Variants in PLCH1 observed in about 807,000 individuals in gnomAD.
The protein encoded by PLCH1 is phospholipase C eta 1.
Under a neutral mutation model 126.7 loss-of-function variants are expected in PLCH1, and 60 were observed. That is an observed-to-expected ratio of 0.47 (90% CI 0.38 to 0.59). The LOEUF is 0.59. Ranked by LOEUF, PLCH1 falls within the 20% of genes least tolerant of loss-of-function variation. The pLI, the probability that PLCH1 is intolerant of heterozygous loss-of-function variation, is 0.00. For synonymous variants in PLCH1, 719 were observed against 734.9 expected, an observed-to-expected ratio of 0.98 and a Z score of 0.35; for missense variants, 1,723 against 2,040.0, an observed-to-expected ratio of 0.84 and a Z score of 2.99.
At chr3:155,559,890 G>A (rs1232465484) in intron 8 of PLCH1, among the ~76,000 whole-genome samples, 2 of 152,102 alleles carry the variant, frequency 1.3e-5, no homozygotes, top group Admixed American at 6.6e-5. Flanking sequence ...AAGACTACTG[G>A]AAAAGCAACA....
Position 155,494,372 on chromosome 3 carries a change from G to A in PLCH1, c.2040C>T (p.Asn680=), listed in dbSNP as rs1246253042. The A allele has an allele frequency of 6.2e-7, 1 of 1,614,024 alleles. No individual in the cohort carries two copies. Among genetic ancestry groups the A allele is most frequent in the Non-Finnish European group, 8.5e-7 (1 of 1,180,006 alleles). The change falls in exon 16 of 23, where the codon AAC becomes AAT. Residue 680 remains asparagine, a synonymous_variant. Transcript: ENST00000460012. ...AGCCTGCGTTCCAGTAGGGGAGAGG[G>A]TTGAAGTTACTGGAATCAATGCGGT... is the stretch of plus-strand genomic sequence containing the variant. ...SAYRIDSSNF[N]PLPYWNAGCQ...
intron 4 of PLCH1, 134 bp downstream of exon 4, chr3:155,593,807 G>A (rs577136767): frequency 6.7e-5 from 52 of 774,648 alleles, no homozygotes; most frequent in African/African-American, 1.2e-4. Flanking sequence ...GGGAGAAGAC[G>A]GTGTGAGGGG....
intron 2 of PLCH1, among the ~76,000 whole-genome samples, chr3:155,666,217 G>T (rs913699112): frequency 2.0e-5 from 3 of 152,230 alleles, no homozygotes; most frequent in Non-Finnish European, 4.4e-5. Context: ...GCCCTCCAGA[G>T]AGATGGTACT....
chr3:155,716,333 T>G lies in PLCH1; in HGVS notation c.-40-12069A>C, dbSNP rs180847766. 2.1e-5 allele frequency among the ~76,000 whole-genome samples: 3 copies of G among 144,538 alleles called. No individual in the cohort carries two copies. The East Asian group carries it at 6.0e-4, about 29-fold the overall frequency. The allele number at this position is 144,538 out of a possible 152,430, so 94.8% of individuals were successfully genotyped here. A position where few individuals can be genotyped will look rare whatever the true frequency, so the allele number is the denominator to read the frequency against. The stretch of plus-strand genomic sequence containing the variant: ...ATTCTGAAGTTAGGAGGTGTGATCT[T>G]CATGTCTATCAGCTCAAACTTATTA... On this transcript the variant is annotated intron_variant, in intron 1 of 22. Coordinates refer to ENST00000460012, the MANE Select transcript of PLCH1 (RefSeq NM_014996.4).
chr3:155,522,710 C>CTTT (rs76460443), intron 11 of PLCH1, among the ~76,000 whole-genome samples: 8 of 140,886 alleles, frequency 5.7e-5, no homozygotes, highest in Non-Finnish European at 3.1e-5. Context: ...ATTTCTCTCT[C>CTTT]TTTTTTTTTT....
At chr3:155,659,302 CTTTTTTTTTTTTTTTTTTTT>C (rs753258422) in intron 2 of PLCH1, among the ~76,000 whole-genome samples, 49 of 30,850 alleles carry the variant, frequency 1.6e-3, no homozygotes, top group East Asian at 0.015. Context: ...CTATTCACTT[CTTTTTTTTTTTTTTTTTTTT>C]TTTTTTTTTT....
In PLCH1 at chr3:155,492,851, T is replaced by A; in HGVS notation, c.2185A>T (p.Thr729Ser). The A allele has an allele frequency of 6.3e-7, 1 of 1,592,256 alleles. No individual in the cohort carries two copies. ...GGGTCACCAGAGAAAGGGTTGAAAG[T>A]ACCTAGGCCAAGTAAAGTATAAGTT... ...VLKPQQMCKG[T>S]FNPFSGDPLP... The change falls in exon 18 of 23, where the codon ACT becomes TCT. Residue 729 changes from threonine (T) to serine (S), a missense_variant and splice_region_variant. By Grantham distance (58) the Thr-to-Ser change is moderately conservative. Around this residue, in one of 2 missense-constraint regions of PLCH1, gnomAD observed 776 missense variants for 1,062.9 expected, o/e 0.73. Transcript: ENST00000460012.
intron 10 of PLCH1, among the ~76,000 whole-genome samples, chr3:155,541,543 G>A (rs1724232988): frequency 6.6e-6 from 1 of 152,088 alleles, no homozygotes; most frequent in African/African-American, 2.4e-5. Flanking sequence ...GGAATCAGGT[G>A]GTTCATGGAG....
intron 2 of PLCH1, among the ~76,000 whole-genome samples, chr3:155,607,897 G>A (rs914129456): frequency 6.6e-6 from 1 of 152,186 alleles, no homozygotes; most frequent in South Asian, 2.1e-4. Context: ...CTGCAGGAAT[G>A]TGCCAGGAAG....
intron 11 of PLCH1, among the ~76,000 whole-genome samples, chr3:155,516,924 G>GGCC (rs1720412676): frequency 6.6e-6 from 1 of 152,088 alleles, no homozygotes. Flanking sequence ...ACACAGAGGA[G>GGCC]GCGCAACTTG....
rs13100023 is a variant in PLCH1 at position 155,524,557 on chromosome 3, C to T, written c.1363-553G>A. 3.3e-5 allele frequency among the ~76,000 whole-genome samples: 5 copies of T among 152,228 alleles called. No individual in the cohort carries two copies. The South Asian group carries it at 1.0e-3, about 32-fold the overall frequency. On this transcript the variant is annotated intron_variant, in intron 10 of 22. Coordinates refer to ENST00000460012, the MANE Select transcript of PLCH1 (RefSeq NM_014996.4). ...TAAAATGTTGTATCATTAAGCTAAT[C>T]ATTACTTCAGACTGACTAGAAAGCA...
chr3:155,595,233 G>A (rs1189637601), intron 3 of PLCH1, among the ~76,000 whole-genome samples: 1 of 152,230 alleles, frequency 6.6e-6, no homozygotes, highest in East Asian at 1.9e-4. Flanking sequence ...AGTTAGCAGA[G>A]CAAATATGAA....
chr3:155,470,581 C>A (rs978292601), intron 21 of PLCH1, among the ~76,000 whole-genome samples: 1 of 152,226 alleles, frequency 6.6e-6, no homozygotes, highest in Non-Finnish European at 1.5e-5. Context: ...GAAAACGCCA[C>A]AAAGATACTC....
chr3:155,493,639 AC>A (rs1716584872), intron 17 of PLCH1, among the ~76,000 whole-genome samples: 1 of 152,076 alleles, frequency 6.6e-6, no homozygotes. Context: ...GCCCACCTTG[AC>A]CTCACAAAGT....
intron 12 of PLCH1, 26 bp downstream of exon 12, chr3:155,514,697 G>A (rs757111321): frequency 7.3e-7 from 1 of 1,366,416 alleles, no homozygotes; most frequent in Non-Finnish European, 9.6e-7. Flanking sequence ...CCTGTTGAAG[G>A]ATAAGTACAA....
chr3:155,490,001 T>C (rs555067880), intron 19 of PLCH1, among the ~76,000 whole-genome samples: 1 of 152,272 alleles, frequency 6.6e-6, no homozygotes, highest in Non-Finnish European at 1.5e-5. Flanking sequence ...TGAACATCGG[T>C]GGGAAAATGC....
intron 2 of PLCH1, among the ~76,000 whole-genome samples, chr3:155,637,207 G>A (rs1420839038): frequency 6.6e-6 from 1 of 152,112 alleles, no homozygotes; most frequent in African/African-American, 2.4e-5. Flanking sequence ...AACTATACCT[G>A]GATGCAGAAA....
Position 155,500,755 on chromosome 3 carries a change from C to A in PLCH1, c.1744G>T (p.Asp582Tyr). 1 of 1,613,732 alleles carries A rather than the reference C, an allele frequency of 6.2e-7. No homozygotes were observed. Among genetic ancestry groups the A allele is most frequent in the Non-Finnish European group, 8.5e-7 (1 of 1,179,632 alleles). ...GTACTCTGCTGTGTGTCTTCCTCAT[C>A]ATCAGTACTGTAAGATTTAGACCGT... ...KSRSKSYSTDDEEDTQQSTGK... is the reference protein window; with the variant it reads ...KSRSKSYSTDYEEDTQQSTGK... Residue 582 changes from aspartate (D) to tyrosine (Y), a missense_variant, in exon 14 of 23, where the codon GAT (aspartate) becomes TAT (tyrosine). Asp to Tyr is a radical substitution (Grantham distance 160, BLOSUM62 -3). Coordinates refer to ENST00000460012, the MANE Select transcript of PLCH1 (RefSeq NM_014996.4).
At chr3:155,645,840 AG>A (rs1242961634) in intron 2 of PLCH1, among the ~76,000 whole-genome samples, 1 of 152,200 alleles carries the variant, frequency 6.6e-6, no homozygotes, top group Non-Finnish European at 1.5e-5. Flanking sequence ...CAGGAGGTAA[AG>A]GGAATGGGAT....
Sources: gnomAD v4.1 joint callset for allele counts (sites outside exome capture counted in the v4.1 genomes callset) on GRCh38, gnomAD v4.1.1 for gene constraint, gnomAD v4.1.1 regional missense constraint, MANE v1.5 for transcripts, NCBI Gene and HGNC (gene_info 2026-07-23, HGNC 2026-07-21) for gene names.